The following COX7A2 variants were observed in gnomAD, a reference collection of about 807,000 sequenced individuals.
The protein encoded by COX7A2 is cytochrome c oxidase subunit 7A2, mitochondrial.
In COX7A2, 11 loss-of-function variants were observed where a neutral mutation model predicts 11.6. The observed-to-expected ratio is 0.95, with a 90% CI of 0.60 to 1.57. COX7A2 has a LOEUF of 1.57. Among genes scored for constraint, COX7A2 ranks in the 40% most tolerant of loss-of-function variants. COX7A2 has a pLI of 0.00. For missense variants in COX7A2, 106 were observed against 100.9 expected (o/e 1.05, Z -0.22); for synonymous variants, 30 against 38.2 (o/e 0.78, Z 0.79).
At chr6:75,246,477 C>T (rs1475078068), upstream of COX7A2, among the ~76,000 whole-genome samples, 1 of 152,144 alleles carries the variant, frequency 6.6e-6, no homozygotes, top group African/African-American at 2.4e-5. Flanking sequence ...TGTCAAAAGC[C>T]TTTTTAACGG....
chr6:75,241,251 A>G lies in COX7A2; in HGVS notation c.33T>C (p.Ile11=). 6.5e-7 allele frequency: 1 copy of G among 1,543,740 alleles called. No homozygotes were observed. Among genetic ancestry groups the G allele is most frequent in the Non-Finnish European group, 8.8e-7 (1 of 1,132,238 alleles). Residue 11 remains isoleucine, a synonymous_variant, in exon 2 of 4, where the codon ATT becomes ATC. Transcript: ENST00000684430. MLRNLLALRQ[I]GQRTISTASR... ...AAGCAGTGCTTATCGTCCTCTGCCC[A>G]ATCTGACGAAGAGCCTAAAATGAAA...
At chr6:75,244,548 C>T (rs1322904821), upstream of COX7A2, among the ~76,000 whole-genome samples, 2 of 152,092 alleles carry the variant, frequency 1.3e-5, no homozygotes, top group African/African-American at 4.8e-5. Context: ...GAAAGGCTGT[C>T]GGTGTCATCC....
chr6:75,239,706 G>T (rs939444093), intron 3 of COX7A2, among the ~76,000 whole-genome samples: 1 of 152,188 alleles, frequency 6.6e-6, no homozygotes, highest in African/African-American at 2.4e-5. Context: ...GGATATAATG[G>T]ATGTTTTTGA....
intron 1 of COX7A2, among the ~76,000 whole-genome samples, chr6:75,242,800 CAGAGTGAG>C (rs1391296243): frequency 6.6e-6 from 1 of 151,854 alleles, no homozygotes; most frequent in Non-Finnish European, 1.5e-5. Context: ...GCCTGGGCAA[CAGAGTGAG>C]ACTACGTCTC....
chr6:75,240,435 T>G, intron 2 of COX7A2, 50 bp from the exon 3 acceptor site: 1 of 1,319,064 alleles, frequency 7.6e-7, no homozygotes, highest in Non-Finnish European at 1.0e-6. Context: ...CTCACTCATT[T>G]CCAACTAAGT....
Position 75,240,360 on chromosome 6 carries a change from A to T in COX7A2, c.134T>A (p.Leu45Gln). The change falls in exon 3 of 4, where the codon CTA (leucine) becomes CAA (glutamine). Residue 45 changes from leucine (L) to glutamine (Q), a missense_variant. Leu to Gln is a moderately radical substitution (Grantham distance 113, BLOSUM62 -2). Coordinates refer to ENST00000684430, the MANE Select transcript of COX7A2 (RefSeq NM_001366293.2). ...FQEDDEIPLY[L>Q]KGGVADALLY... ...GAGGGCATCAGCTACCCCACCCTTT[A>T]GATACAGTGGAATTTCATCATCCTC... is the stretch of plus-strand genomic sequence containing the variant. 1 of 1,592,220 alleles carries T rather than the reference A, an allele frequency of 6.3e-7. No homozygotes were observed.
upstream of COX7A2, chr6:75,243,829 A>C (rs567714403): frequency 1.9e-6 from 3 of 1,613,834 alleles, no homozygotes; most frequent in African/African-American, 1.3e-5. Context: ...TTGCGTATGC[A>C]TTCACGAACT....
chr6:75,249,330 T>C (rs1175556165), intron 1 of COX7A2, among the ~76,000 whole-genome samples: 4 of 152,168 alleles, frequency 2.6e-5, no homozygotes, highest in Non-Finnish European at 4.4e-5. Flanking sequence ...ATTAACAATC[T>C]GAATTTGGAA....
upstream of COX7A2, among the ~76,000 whole-genome samples, chr6:75,245,124 TAA>T (rs761413675): frequency 2.0e-5 from 3 of 152,210 alleles, no homozygotes; most frequent in Non-Finnish European, 4.4e-5. Flanking sequence ...CTAGCACTGC[TAA>T]AGACAGTATT....
At chr6:75,245,185 T>A (rs1016858414), upstream of COX7A2, among the ~76,000 whole-genome samples, 1 of 152,206 alleles carries the variant, frequency 6.6e-6, no homozygotes, top group Non-Finnish European at 1.5e-5. Context: ...AAGAAGCTTA[T>A]GACCCTGTCC....
chr6:75,243,840 T>G (rs773250601), upstream of COX7A2: 1 of 1,612,840 alleles, frequency 6.2e-7, no homozygotes, highest in African/African-American at 1.3e-5. Context: ...TTCACGAACT[T>G]AAATCTTTCC....
At chr6:75,244,786 A>G (rs192176225), upstream of COX7A2, among the ~76,000 whole-genome samples, 38 of 152,200 alleles carry the variant, frequency 2.5e-4, no homozygotes, top group African/African-American at 9.2e-4. Context: ...CTTCTTCACA[A>G]TCTACTGTAT....
At chr6:75,243,920 A>G, upstream of COX7A2, 4 of 1,187,096 alleles carry the variant, frequency 3.4e-6, no homozygotes, top group Non-Finnish European at 4.8e-6. Context: ...GTACGGCTCT[A>G]TCCGCTCTAG....
At chr6:75,242,781 T>C (rs2149511963) in intron 1 of COX7A2, among the ~76,000 whole-genome samples, 1 of 152,070 alleles carries the variant, frequency 6.6e-6, no homozygotes, top group Admixed American at 6.5e-5. Context: ...ATCGTGCCAC[T>C]GCACTCCAGC....
rs777383043 is a variant in COX7A2 at position 75,240,378 on chromosome 6, T to C, written c.116A>G (p.Asp39Gly). 6 of 1,520,988 alleles carry C rather than the reference T, an allele frequency of 3.9e-6. No individual in the cohort carries two copies. In the South Asian group the frequency reaches 6.0e-5, roughly 15 times the overall value. The allele number at this position is 1,520,988 out of a possible 1,614,324, so 94.2% of individuals were successfully genotyped here. A position where few individuals can be genotyped will look rare whatever the true frequency, so the allele number is the denominator to read the frequency against. ...ACCCTTTAGATACAGTGGAATTTCA[T>C]CATCCTCCTAGATTTAAAAAAAAAA... ...PEKQKLFQED[D>G]EIPLYLKGGV... The change falls in exon 3 of 4, where the codon GAT (aspartate) becomes GGT (glycine). Residue 39 changes from aspartate to glycine, a missense_variant. Asp to Gly is a moderately conservative substitution (Grantham distance 94). Transcript: ENST00000684430.
chr6:75,241,300 C>T (rs1311628925), intron 1 of COX7A2, 35 bp from the exon 2 acceptor site: 1 of 1,459,624 alleles, frequency 6.9e-7, no homozygotes. Flanking sequence ...GACTTAGAGC[C>T]TAAAGAAACC....
chr6:75,243,824 T>A (rs1313441819), upstream of COX7A2: 10 of 1,613,934 alleles, frequency 6.2e-6, no homozygotes, highest in South Asian at 1.1e-5. Flanking sequence ...GAGTCTTGCG[T>A]ATGCATTCAC....
downstream of COX7A2, chr6:75,237,765 A>G (rs567368203): frequency 1.5e-4 from 70 of 455,768 alleles, no homozygotes; most frequent in African/African-American, 1.3e-3. Flanking sequence ...TTATTGGCAT[A>G]AAGTGATAAA....
chr6:75,238,437 G>C (rs1771382625), intron 3 of COX7A2, among the ~76,000 whole-genome samples: 1 of 152,040 alleles, frequency 6.6e-6, no homozygotes, highest in Non-Finnish European at 1.5e-5. Flanking sequence ...GCCGGGCATA[G>C]TTGCTGAAAC....
Sources: gnomAD v4.1 joint callset for allele counts (sites outside exome capture counted in the v4.1 genomes callset) on GRCh38, gnomAD v4.1.1 for gene constraint, MANE v1.5 for transcripts, NCBI Gene and HGNC (gene_info 2026-07-23, HGNC 2026-07-21) for gene names.